The following NMD3 variants were observed in gnomAD, a reference collection of about 807,000 sequenced individuals.
The protein encoded by NMD3 is NMD3 ribosome export adaptor.
Under a neutral mutation model 73.1 loss-of-function variants are expected in NMD3, and 47 were observed. That is an observed-to-expected ratio of 0.64 (90% CI 0.51 to 0.82). NMD3 has a LOEUF of 0.82. Among genes scored for constraint, NMD3 ranks in the 40% least tolerant of loss-of-function variants. The pLI, the probability that NMD3 is intolerant of heterozygous loss-of-function variation, is 0.00. For synonymous variants in NMD3, 210 were observed against 194.5 expected (o/e 1.08, Z -0.66); for missense variants, 554 against 612.5 (o/e 0.90, Z 1.01).
intron 7 of NMD3, among the ~76,000 whole-genome samples, chr3:161,236,679 T>C (rs1736768675): frequency 6.6e-6 from 1 of 152,190 alleles, no homozygotes; most frequent in African/African-American, 2.4e-5. Context: ...ATAGTTTCTT[T>C]CAAGTGTTTT....
At position 161,234,869 on chromosome 3, in the gene NMD3, A is replaced by G. The variant is rs567452896; in HGVS notation, c.486+14A>G. On this transcript the variant is annotated intron_variant, in intron 6 of 15. Coordinates refer to ENST00000351193, the MANE Select transcript of NMD3 (RefSeq NM_015938.5). ...GTGAGGCAAAAGGTAATGAGAGAAG[A>G]TGATGAGTGAGTCCTACATCTTATA... The G allele has an allele frequency of 6.2e-7, 1 of 1,612,198 alleles. No individual in the cohort carries two copies. The highest frequency in any genetic ancestry group is 1.1e-5 in the South Asian group (1 of 90,966).
chr3:161,249,306 TC>T (rs1179126150), intron 13 of NMD3, 147 bp from the exon 14 acceptor site: 11 of 462,200 alleles, frequency 2.4e-5, no homozygotes, highest in African/African-American at 2.2e-4. Context: ...ATTTTAAAAG[TC>T]CTCTTGACAC....
Position 161,238,775 on chromosome 3 carries a change from CACAT to C in NMD3, c.706_709del (p.Tyr236IlefsTer32). ...TGATCTCTCAAGATATCCATAGTAA[CACAT>C]ACAATTACAAAAGCACTTTTTCTGT... On this transcript the variant is annotated frameshift_variant, in exon 9 of 16. Coordinates refer to ENST00000351193, the MANE Select transcript of NMD3 (RefSeq NM_015938.5). LOFTEE classifies it high-confidence loss of function. The C allele has an allele frequency of 1.3e-6, 2 of 1,579,956 alleles. No individual in the cohort carries two copies. The highest frequency in any genetic ancestry group is 1.7e-6 in the Non-Finnish European group (2 of 1,158,830).
At chr3:161,221,196 G>A (rs574492586), upstream of NMD3, 1 of 152,306 alleles carries the variant, frequency 6.6e-6, no homozygotes, top group South Asian at 2.1e-4. Context: ...CAGCCACCAG[G>A]CCGCTCCCAT....
intron 7 of NMD3, among the ~76,000 whole-genome samples, chr3:161,236,813 C>T (rs940756885): frequency 6.6e-6 from 1 of 152,050 alleles, no homozygotes; most frequent in African/African-American, 2.4e-5. Flanking sequence ...AAACTCTGTC[C>T]TTTCCTCAGT....
At chr3:161,229,875 T>G (rs1201795704) in intron 4 of NMD3, among the ~76,000 whole-genome samples, 1 of 152,108 alleles carries the variant, frequency 6.6e-6, no homozygotes, top group African/African-American at 2.4e-5. Context: ...GCTATGTGAT[T>G]TGCAGCTGAT....
Position 161,249,546 on chromosome 3 carries a change from T to C in NMD3, c.1296T>C (p.Asp432=), listed in dbSNP as rs773756948. ...KELARERENM[D]TDDERQYQDF... ...TTGCAAGAGAGAGAGAAAACATGGA[T>C]ACAGATGATGAAAGGTCTCGCTTTT... Residue 432 remains aspartate, a synonymous_variant, in exon 14 of 16, where the codon GAT becomes GAC. Transcript: ENST00000351193. The C allele has an allele frequency of 6.2e-7, 1 of 1,601,200 alleles. No homozygotes were observed.
chr3:161,241,666 G>A lies in NMD3; in HGVS notation c.871+503G>A, dbSNP rs897988271. ...GAACTCCTGACCTCGTGATCTGCCC[G>A]CCTCGGCCTCCCAAGGTGCTGGGAT... On this transcript the variant is annotated intron_variant, in intron 10 of 15. Transcript: ENST00000351193. Among the ~76,000 whole-genome samples, 3 of 152,092 alleles carry A rather than the reference G, an allele frequency of 2.0e-5. No homozygotes were observed. In the South Asian group the frequency reaches 6.2e-4, roughly 32 times the overall value.
At chr3:161,248,969 G>A (rs1737363191) in intron 13 of NMD3, among the ~76,000 whole-genome samples, 1 of 152,106 alleles carries the variant, frequency 6.6e-6, no homozygotes, top group Admixed American at 6.5e-5. Context: ...GGAGATCATG[G>A]CAATCTTACA....
intron 4 of NMD3, among the ~76,000 whole-genome samples, chr3:161,229,583 A>C (rs191917619): frequency 2.0e-4 from 30 of 152,334 alleles, no homozygotes; most frequent in African/African-American, 7.2e-4. Flanking sequence ...TAAATAAGCC[A>C]ATGAGTGGTC....
chr3:161,249,625 T>A, intron 14 of NMD3, 65 bp downstream of exon 14: 1 of 1,049,130 alleles, frequency 9.5e-7, no homozygotes, highest in Non-Finnish European at 1.5e-6. Flanking sequence ...ATACTTTTTA[T>A]GTTGTAAAGA....
chr3:161,244,519 G>A (rs1196626823), intron 11 of NMD3, among the ~76,000 whole-genome samples: 1 of 152,094 alleles, frequency 6.6e-6, no homozygotes, highest in African/African-American at 2.4e-5. Flanking sequence ...TAGCTTACAT[G>A]TACAGGTGGT....
chr3:161,248,929 T>TA, intron 13 of NMD3, among the ~76,000 whole-genome samples: 1 of 152,216 alleles, frequency 6.6e-6, no homozygotes, highest in East Asian at 1.9e-4. Flanking sequence ...AGTGTAAGTC[T>TA]AAATAGGTAT....
intron 12 of NMD3, among the ~76,000 whole-genome samples, chr3:161,246,700 T>TCC (rs1737222409): frequency 6.6e-6 from 1 of 152,232 alleles, no homozygotes; most frequent in Non-Finnish European, 1.5e-5. Flanking sequence ...CTTGAAGTTA[T>TCC]ATGGTTGTAT....
intron 7 of NMD3, 29 bp from the exon 8 acceptor site, chr3:161,238,084 T>C: frequency 3.5e-6 from 5 of 1,437,254 alleles, no homozygotes; most frequent in Non-Finnish European, 4.7e-6. Flanking sequence ...GCATAATTAT[T>C]TTCATAGGGC....
intron 5 of NMD3, 109 bp from the exon 6 acceptor site, chr3:161,234,618 A>G (rs1278791627): frequency 8.1e-6 from 7 of 864,414 alleles, no homozygotes; most frequent in Non-Finnish European, 1.2e-5. Flanking sequence ...GATGTCCTCA[A>G]AGCATTAATG....
intron 3 of NMD3, 124 bp from the exon 4 acceptor site, chr3:161,227,123 C>A: frequency 1.5e-5 from 8 of 527,514 alleles, no homozygotes; most frequent in East Asian, 3.5e-5. Context: ...GAGTTAAGTG[C>A]TTCATATCAT....
intron 6 of NMD3, 28 bp downstream of exon 6, chr3:161,234,883 C>T (rs1287106216): frequency 6.2e-7 from 1 of 1,607,420 alleles, no homozygotes; most frequent in East Asian, 2.2e-5. Flanking sequence ...TGAGTGAGTC[C>T]TACATCTTAT....
chr3:161,249,498 T>G lies in NMD3; in HGVS notation c.1248T>G (p.Arg416=). ...ATGACCGGACCAAACGTCAGCGTCGTAGAAACTGGAAATTGAAAGAGCTTG... is the reference window on the plus strand; with the variant it reads ...ATGACCGGACCAAACGTCAGCGTCGGAGAAACTGGAAATTGAAAGAGCTTG... ...KSYDRTKRQR[R]RNWKLKELAR... The change falls in exon 14 of 16, where the codon CGT becomes CGG. Residue 416 remains arginine (R), a synonymous_variant. Coordinates refer to ENST00000351193, the MANE Select transcript of NMD3 (RefSeq NM_015938.5). 1 of 1,612,902 alleles carries G rather than the reference T, an allele frequency of 6.2e-7. No individual in the cohort carries two copies. Among genetic ancestry groups the G allele is most frequent in the South Asian group, 1.1e-5 (1 of 91,010 alleles).
Sources: allele counts gnomAD v4.1 joint callset (sites outside exome capture counted in the v4.1 genomes callset), GRCh38; gene constraint gnomAD v4.1.1; transcripts MANE v1.5; gene names NCBI Gene and HGNC (gene_info 2026-07-23, HGNC 2026-07-21).